The following SLC2A13 variants were observed in gnomAD, a reference collection of about 807,000 sequenced individuals.
SLC2A13 encodes solute carrier family 2 member 13.
In SLC2A13, 32 loss-of-function variants were observed where a neutral mutation model predicts 64.4. The ratio of observed to expected loss-of-function variants is 0.50; its 90% CI spans 0.37 to 0.67. The LOEUF is 0.67. Ranked by LOEUF, SLC2A13 falls within the 30% of genes least tolerant of loss-of-function variation. The probability of loss-of-function intolerance (pLI) is 0.00; values close to 1 mark genes in which losing one functional copy is unlikely to be tolerated. For missense variants in SLC2A13, 743 were observed against 829.2 expected (o/e 0.90, Z 1.28); for synonymous variants, 338 against 327.1 (o/e 1.03, Z -0.36).
chr12:39,965,160 A>T (rs1448627760), intron 3 of SLC2A13, among the ~76,000 whole-genome samples: 1 of 152,204 alleles, frequency 6.6e-6, no homozygotes, highest in African/African-American at 2.4e-5. Context: ...TGTTAAGAGC[A>T]ACATAATACC....
At chr12:39,795,308 T>C (rs1270029090) in intron 7 of SLC2A13, among the ~76,000 whole-genome samples, 1 of 151,972 alleles carries the variant, frequency 6.6e-6, no homozygotes, top group South Asian at 2.1e-4. Flanking sequence ...TCAAATCTGC[T>C]GATAAATCTA....
intron 1 of SLC2A13, among the ~76,000 whole-genome samples, chr12:40,088,713 AC>A (rs1194293654): frequency 3.3e-5 from 5 of 152,192 alleles, no homozygotes; most frequent in African/African-American, 1.2e-4. Context: ...CCTCAAAAAC[AC>A]CAAAGTGTGG....
At chr12:39,892,117 T>G (rs1944626957) in intron 4 of SLC2A13, among the ~76,000 whole-genome samples, 2 of 152,226 alleles carry the variant, frequency 1.3e-5, no homozygotes, top group South Asian at 4.1e-4. Flanking sequence ...CAGTTTACAT[T>G]CCCACTTCTG....
chr12:40,098,952 A>C (rs1939054634), intron 1 of SLC2A13, among the ~76,000 whole-genome samples: 1 of 152,172 alleles, frequency 6.6e-6, no homozygotes, highest in African/African-American at 2.4e-5. Context: ...TCAGAAGAAC[A>C]CTGGTGCCAT....
At chr12:40,071,540 C>T (rs903425156) in intron 1 of SLC2A13, among the ~76,000 whole-genome samples, 1 of 152,054 alleles carries the variant, frequency 6.6e-6, no homozygotes, top group African/African-American at 2.4e-5. Context: ...GAAAGCATTC[C>T]CTCTGCCTCT....
At chr12:40,001,053 T>C (rs1947314740) in intron 3 of SLC2A13, among the ~76,000 whole-genome samples, 1 of 152,138 alleles carries the variant, frequency 6.6e-6, no homozygotes, top group Admixed American at 6.5e-5. Context: ...GAGAAATTAT[T>C]TTAGCATATG....
intron 4 of SLC2A13, among the ~76,000 whole-genome samples, chr12:39,923,715 C>CACACACACACAG (rs1255722921): frequency 6.6e-6 from 1 of 151,406 alleles, no homozygotes; most frequent in Non-Finnish European, 1.5e-5. Flanking sequence ...CACACACACA[C>CACACACACACAG]ACACACACAT....
chr12:39,848,612 T>C (rs1316397440), intron 6 of SLC2A13, among the ~76,000 whole-genome samples: 2 of 152,176 alleles, frequency 1.3e-5, no homozygotes, highest in African/African-American at 2.4e-5. Context: ...GAAAGCAGTA[T>C]GGCAATTCCT....
At chr12:40,095,448 T>C (rs781035562) in intron 1 of SLC2A13, among the ~76,000 whole-genome samples, 11 of 152,250 alleles carry the variant, frequency 7.2e-5, no homozygotes, top group Non-Finnish European at 1.5e-4. Flanking sequence ...TTGCAATCAA[T>C]AGGTCCATAC....
chr12:40,048,210 C>A lies in SLC2A13; in HGVS notation c.557G>T (p.Gly186Val). 1.3e-6 allele frequency: 2 copies of A among 1,586,128 alleles called. No homozygotes were observed. Among genetic ancestry groups the A allele is most frequent in the Non-Finnish European group, 1.7e-6 (2 of 1,172,214 alleles). ...CACTGGCACTGTCATAGAAGCAATG[C>A]CTATAAAAACAATGAAAAGTAAATG... ...AGRLVVGLGI[G>V]IASMTVPVYI... The change falls in exon 2 of 10, where the codon GGC becomes GTC. Residue 186 changes from glycine (G) to valine (V), a missense_variant and splice_region_variant. By Grantham distance (109) the Gly-to-Val change is moderately radical. Transcript: ENST00000280871.
intron 3 of SLC2A13, among the ~76,000 whole-genome samples, chr12:39,978,319 G>C (rs1946803050): frequency 6.6e-6 from 1 of 152,180 alleles, no homozygotes. Context: ...TGACTCTCGA[G>C]CCAAGATGGC....
intron 4 of SLC2A13, among the ~76,000 whole-genome samples, chr12:39,948,921 TA>T (rs1946184062): frequency 6.6e-6 from 1 of 152,182 alleles, no homozygotes; most frequent in Non-Finnish European, 1.5e-5. Context: ...TACTAGACTC[TA>T]ATAGATTATT....
chr12:39,915,673 T>C (rs891889168), intron 4 of SLC2A13, among the ~76,000 whole-genome samples: 12 of 151,776 alleles, frequency 7.9e-5, no homozygotes, highest in African/African-American at 2.4e-4. Flanking sequence ...TTAGTTAACA[T>C]AGAAAGAAAG....
At chr12:40,102,689 AT>A (rs1939189202) in intron 1 of SLC2A13, among the ~76,000 whole-genome samples, 1 of 152,220 alleles carries the variant, frequency 6.6e-6, no homozygotes, top group African/African-American at 2.4e-5. Flanking sequence ...TACACATAAA[AT>A]TTAACTACTT....
chr12:39,830,146 C>G lies in SLC2A13; in HGVS notation c.1402G>C (p.Val468Leu). The change falls in exon 7 of 10, where the codon GTT becomes CTT. Residue 468 changes from valine (V) to leucine (L), a missense_variant. Transcript: ENST00000280871. ...TTTGTAGATGCTTTATTAACTGGAACACAGGAGGAGTCAATGACAGTTGAT... is the reference window on the plus strand; with the variant it reads ...TTTGTAGATGCTTTATTAACTGGAAGACAGGAGGAGTCAATGACAGTTGAT... ...NKSTVIDSSC[V>L]PVNKASTNEA... 4 of 1,613,724 alleles carry G rather than the reference C, an allele frequency of 2.5e-6. No individual in the cohort carries two copies. Among genetic ancestry groups the G allele is most frequent in the Non-Finnish European group, 3.4e-6 (4 of 1,179,782 alleles).
At chr12:40,035,634 A>C (rs1330415232) in intron 2 of SLC2A13, among the ~76,000 whole-genome samples, 2 of 152,200 alleles carry the variant, frequency 1.3e-5, no homozygotes, top group Non-Finnish European at 2.9e-5. Flanking sequence ...CAGGTAATAT[A>C]TGATCCGCAA....
chr12:39,952,024 G>T (rs1946241356), intron 3 of SLC2A13, among the ~76,000 whole-genome samples: 1 of 151,994 alleles, frequency 6.6e-6, no homozygotes, highest in Non-Finnish European at 1.5e-5. Context: ...AGTCCCTTAA[G>T]AGGCAATCAA....
At chr12:39,785,541 C>T (rs1301688205) in intron 7 of SLC2A13, among the ~76,000 whole-genome samples, 1 of 152,154 alleles carries the variant, frequency 6.6e-6, no homozygotes, top group Non-Finnish European at 1.5e-5. Context: ...GGGGTCAGAG[C>T]CCCCACAGAG....
chr12:39,901,824 C>T (rs1945124046), intron 4 of SLC2A13, among the ~76,000 whole-genome samples: 1 of 145,596 alleles, frequency 6.9e-6, no homozygotes, highest in African/African-American at 2.6e-5. Context: ...CCATTTGACC[C>T]AGCCATCCCA....
Sources: allele counts gnomAD v4.1 joint callset (sites outside exome capture counted in the v4.1 genomes callset), GRCh38; gene constraint gnomAD v4.1.1; transcripts MANE v1.5; gene names NCBI Gene and HGNC (gene_info 2026-07-23, HGNC 2026-07-21).